The following TBCK variants were observed in gnomAD, a reference collection of about 807,000 sequenced individuals.
TBCK encodes TBC1 domain containing kinase, also known as TBC domain-containing protein kinase-like protein.
A neutral mutation model predicts 113.4 loss-of-function variants in TBCK; 99 were observed. The ratio of observed to expected loss-of-function variants is 0.87; its 90% CI spans 0.74 to 1.03. The LOEUF is 1.03. Ranked by LOEUF, TBCK falls within the 50% of genes least tolerant of loss-of-function variation. The pLI is 0.00. For missense variants in TBCK, 1,045 were observed against 1,061.3 expected, an observed-to-expected ratio of 0.98 and a Z score of 0.21; for synonymous variants, 369 against 370.8, an observed-to-expected ratio of 1.00 and a Z score of 0.05.
At position 106,171,395 on chromosome 4, in the gene TBCK, AT is replaced by A. The variant is rs1156539058; in HGVS notation, c.2060-126del. ...CTAAGATGATAAGTTATTAGAAAAA[AT>A]GTCAGTAAAAAAAACAATGTATATA... On this transcript the variant is annotated intron_variant, in intron 22 of 25. Transcript: ENST00000394708. 2.3e-5 allele frequency: 15 copies of A among 664,052 alleles called. 1 individual carries two copies. The South Asian group carries it at 3.0e-4, about 13-fold the overall frequency. The allele number at this position is 664,052 out of a possible 1,614,324, so 41.1% of individuals were successfully genotyped here. A position where few individuals can be genotyped will look rare whatever the true frequency, so the allele number is the denominator to read the frequency against.
intron 25 of TBCK, among the ~76,000 whole-genome samples, chr4:106,084,055 C>A (rs1739221863): frequency 6.6e-6 from 1 of 152,134 alleles, no homozygotes; most frequent in Non-Finnish European, 1.5e-5. Context: ...CGCAGTGTCT[C>A]TCCAAGGTGC....
At chr4:106,166,962 C>A (rs1312356108) in intron 23 of TBCK, among the ~76,000 whole-genome samples, 2 of 150,658 alleles carry the variant, frequency 1.3e-5, no homozygotes, top group East Asian at 3.9e-4. Context: ...GAAGCATTTT[C>A]ATTAAACTCG....
At chr4:106,216,566 C>G (rs947553998) in intron 19 of TBCK, among the ~76,000 whole-genome samples, 1 of 152,072 alleles carries the variant, frequency 6.6e-6, no homozygotes, top group African/African-American at 2.4e-5. Context: ...ATACAAACTA[C>G]CATCAGAGAA....
intron 23 of TBCK, among the ~76,000 whole-genome samples, chr4:106,148,986 C>T (rs560952588): frequency 1.3e-5 from 2 of 152,340 alleles, no homozygotes; most frequent in Non-Finnish European, 2.9e-5. Context: ...TTCAGCTTCT[C>T]CACCAGTACT....
At chr4:106,048,970 T>A (rs1362700741) in intron 25 of TBCK, among the ~76,000 whole-genome samples, 1 of 152,094 alleles carries the variant, frequency 6.6e-6, no homozygotes, top group Admixed American at 6.6e-5. Flanking sequence ...TAGCAAATGT[T>A]TAGATGCCTT....
chr4:106,235,204 C>G (rs1759306813), intron 15 of TBCK, 65 bp downstream of exon 15: 1 of 978,224 alleles, frequency 1.0e-6, no homozygotes, highest in Non-Finnish European at 1.5e-6. Flanking sequence ...ATTTGGAAAG[C>G]ACTCTCCTTC....
intron 3 of TBCK, among the ~76,000 whole-genome samples, chr4:106,277,858 A>G (rs1764182305): frequency 1.3e-5 from 2 of 152,220 alleles, no homozygotes; most frequent in African/African-American, 4.8e-5. Flanking sequence ...AATTTAACCT[A>G]AAACTAAAAC....
intron 20 of TBCK, 144 bp downstream of exon 20, chr4:106,212,606 A>C (rs1313812652): frequency 3.5e-6 from 2 of 574,080 alleles, no homozygotes; most frequent in Non-Finnish European, 6.3e-6. Flanking sequence ...CCACAAACTT[A>C]CTAATACAAG....
intron 23 of TBCK, among the ~76,000 whole-genome samples, chr4:106,157,613 C>T (rs551762905): frequency 6.6e-6 from 1 of 152,252 alleles, no homozygotes; most frequent in South Asian, 2.1e-4. Context: ...GTTTTGCATT[C>T]TGCTGTAACA....
chr4:106,316,615 T>C (rs898573683), upstream of TBCK: 1 of 1,549,624 alleles, frequency 6.5e-7, no homozygotes, highest in African/African-American at 1.4e-5. Context: ...TCGTGGCGGG[T>C]CACTCACTCG....
intron 3 of TBCK, among the ~76,000 whole-genome samples, chr4:106,279,985 T>C (rs953028653): frequency 6.6e-6 from 1 of 152,170 alleles, no homozygotes; most frequent in Non-Finnish European, 1.5e-5. Flanking sequence ...TAGCCTTATT[T>C]TTAGTTTTGT....
chr4:106,119,409 G>A (rs902555747), intron 23 of TBCK, among the ~76,000 whole-genome samples: 1 of 151,906 alleles, frequency 6.6e-6, no homozygotes, highest in African/African-American at 2.4e-5. Context: ...CTTTCAGTAG[G>A]GGAAAGGACA....
chr4:106,101,807 C>A (rs563393655), intron 24 of TBCK, among the ~76,000 whole-genome samples: 22 of 152,170 alleles, frequency 1.4e-4, no homozygotes, highest in African/African-American at 5.3e-4. Flanking sequence ...ATGACTAAGA[C>A]CTCTCTTAAT....
rs1760565011 is a variant in TBCK, at chr4:106,244,699, C to T, written c.997G>A (p.Gly333Arg). 1.2e-6 allele frequency: 2 copies of T among 1,611,034 alleles called. No individual in the cohort carries two copies. Among genetic ancestry groups the T allele is most frequent in the Admixed American group, 3.3e-5 (2 of 59,804 alleles). ...EEVYYLWCLA[G>R]GDLEKELVNK... ...ACAAGCTCTTTCTCCAAGTCACCTCCAGCCAAACACCAAAGGTAATACACT... is the reference window on the plus strand; with the variant it reads ...ACAAGCTCTTTCTCCAAGTCACCTCTAGCCAAACACCAAAGGTAATACACT... Residue 333 changes from glycine (G) to arginine (R), a missense_variant, in exon 11 of 26, where the codon GGA becomes AGA. Transcript: ENST00000394708.
intron 11 of TBCK, among the ~76,000 whole-genome samples, chr4:106,242,981 C>T (rs986533267): frequency 1.5e-4 from 23 of 150,446 alleles, no homozygotes; most frequent in East Asian, 4.0e-4. Context: ...TTTGTTCTTG[C>T]GATAGTTTAC....
chr4:106,171,207 G>C lies in TBCK; in HGVS notation c.2123C>G (p.Ala708Gly). 1 of 1,612,446 alleles carries C rather than the reference G, an allele frequency of 6.2e-7. No homozygotes were observed. The highest frequency in any genetic ancestry group is 8.5e-7 in the Non-Finnish European group (1 of 1,179,232). The change falls in exon 23 of 26, where the codon GCT becomes GGT. Residue 708 changes from alanine (A) to glycine (G), a missense_variant. Ala to Gly is a moderately conservative substitution (Grantham distance 60). Coordinates refer to ENST00000394708, the MANE Select transcript of TBCK (RefSeq NM_001163435.3). ...AGGTTGAGCATGCTGTCTGTAAGTAGCACTTTTAGGAGTCCAACAAAACAG... is the reference window on the plus strand; with the variant it reads ...AGGTTGAGCATGCTGTCTGTAAGTACCACTTTTAGGAGTCCAACAAAACAG... ...INLFCWTPKS[A>G]TYRQHAQPPK...
chr4:106,248,971 C>T lies in TBCK; in HGVS notation c.670G>A (p.Asp224Asn), dbSNP rs1349902052. 6.2e-7 allele frequency: 1 copy of T among 1,603,082 alleles called. No individual in the cohort carries two copies. The highest frequency in any genetic ancestry group is 8.5e-7 in the Non-Finnish European group (1 of 1,175,938). Residue 224 changes from aspartate to asparagine, a missense_variant, in exon 8 of 26, where the codon GAC becomes AAC. Physicochemically the swap from Asp to Asn is conservative, Grantham distance 23 (BLOSUM62 1). Coordinates refer to ENST00000394708, the MANE Select transcript of TBCK (RefSeq NM_001163435.3). ...KFLLTLDCVD[D>N]TLIVLAEEHG... ...TCTTCAGCCAGAACTATTAAAGTGT[C>T]ATCTACACAATCTATAAAACAGAAA...
At chr4:106,161,491 T>C (rs1236781468) in intron 23 of TBCK, among the ~76,000 whole-genome samples, 2 of 151,802 alleles carry the variant, frequency 1.3e-5, no homozygotes, top group Non-Finnish European at 2.9e-5. Flanking sequence ...GACCAAGGAG[T>C]GAGGGTCAGG....
chr4:106,155,485 T>C (rs1749017043), intron 23 of TBCK, among the ~76,000 whole-genome samples: 1 of 152,160 alleles, frequency 6.6e-6, no homozygotes. Flanking sequence ...CCTATCTGTG[T>C]TTCTCTCTCC....
Sources: allele counts gnomAD v4.1 joint callset (sites outside exome capture counted in the v4.1 genomes callset), GRCh38; gene constraint gnomAD v4.1.1; transcripts MANE v1.5; gene names NCBI Gene and HGNC (gene_info 2026-07-23, HGNC 2026-07-21).